The following EFCAB5 variants were observed in gnomAD, a reference collection of about 807,000 sequenced individuals.
The protein encoded by EFCAB5 is EF-hand calcium binding domain 5, also known as EF-hand calcium-binding domain-containing protein 5.
EFCAB5 carries 131 observed loss-of-function variants against 167.9 expected under a neutral mutation model. The observed-to-expected ratio is 0.78, with a 90% CI of 0.68 to 0.90. The LOEUF is 0.90. EFCAB5 is among the 40% of genes least tolerant of loss of function. The pLI, the probability that EFCAB5 is intolerant of heterozygous loss-of-function variation, is 0.00. For missense variants in EFCAB5, 1,663 were observed against 1,745.2 expected (o/e 0.95, Z 0.84); for synonymous variants, 574 against 602.8 (o/e 0.95, Z 0.70).
At position 29,968,903 on chromosome 17, in the gene EFCAB5, A is replaced by G; in HGVS notation, c.303A>G (p.Leu101=). The change falls in exon 4 of 23, where the codon TTA becomes TTG. Residue 101 remains leucine (L), a synonymous_variant. Coordinates refer to ENST00000394835, the MANE Select transcript of EFCAB5 (RefSeq NM_198529.4). ...AATCTGCAAAAGTGATTTTTGCTTT[A>G]GATGAAACTGAACTGAAATCAAAGC... The part of the protein sequence containing the change: ...IRKSAKVIFA[L]DETELKSKPE... The G allele has an allele frequency of 1.9e-6, 3 of 1,573,840 alleles. No individual in the cohort carries two copies. Among genetic ancestry groups the G allele is most frequent in the East Asian group, 2.3e-5 (1 of 43,396 alleles).
chr17:30,049,982 G>C lies in EFCAB5; in HGVS notation c.1201-1136G>C, dbSNP rs150676117. Among the ~76,000 whole-genome samples the C allele has an allele frequency of 2.0e-3, 307 of 151,414 alleles. 9 individuals carry two copies. In the East Asian group the frequency reaches 0.053, roughly 26 times the overall value. ...TAATCAAAACACCATCAATAGAGGAGTTTTTTTTTAATTATGGTGTTTCCA... is the reference window on the plus strand; with the variant it reads ...TAATCAAAACACCATCAATAGAGGACTTTTTTTTTAATTATGGTGTTTCCA... On this transcript the variant is annotated intron_variant, in intron 8 of 22. Transcript: ENST00000394835.
rs2070245470 is a variant in EFCAB5 at position 30,055,824 on chromosome 17, C to T, written c.2195-64C>T. On this transcript the variant is annotated intron_variant, in intron 10 of 22. Transcript: ENST00000394835. The stretch of plus-strand genomic sequence containing the variant: ...GCAATGCATTTCTATCACTTATTAA[C>T]CTTAAAATAGCTAATGGAATATGTA... 3.9e-6 allele frequency: 6 copies of T among 1,547,502 alleles called. No homozygotes were observed. In the African/African-American group the frequency reaches 4.1e-5, roughly 11 times the overall value.
chr17:30,103,739 G>A (rs923552449), intron 22 of EFCAB5, among the ~76,000 whole-genome samples: 3 of 152,156 alleles, frequency 2.0e-5, no homozygotes, highest in Admixed American at 6.5e-5. Context: ...ATATGACCGG[G>A]CGCAGTGGCT....
At position 29,943,657 on chromosome 17, in the gene EFCAB5, A is replaced by G. The variant is rs747537102; in HGVS notation, c.190+8A>G. 1.3e-5 allele frequency: 20 copies of G among 1,563,378 alleles called. No individual in the cohort carries two copies. The highest frequency in any genetic ancestry group is 1.6e-5 in the Non-Finnish European group (18 of 1,152,966). Reference sequence around the variant, plus strand: ...ATGAAATCAAATCCCAAGGTAGAGAACTAGCCTTTCTCTTATACAATAGAA... The same window carrying G: ...ATGAAATCAAATCCCAAGGTAGAGAGCTAGCCTTTCTCTTATACAATAGAA... On this transcript the variant is annotated splice_region_variant and intron_variant, in intron 3 of 22. Transcript: ENST00000394835.
chr17:30,025,562 C>T (rs550384254), intron 7 of EFCAB5, among the ~76,000 whole-genome samples: 8 of 152,314 alleles, frequency 5.3e-5, no homozygotes, highest in Admixed American at 1.3e-4. Flanking sequence ...CACTTTTACA[C>T]TGTTGGTGGG....
chr17:29,934,369 C>A (rs2067228011), intron 1 of EFCAB5, among the ~76,000 whole-genome samples: 1 of 152,108 alleles, frequency 6.6e-6, no homozygotes, highest in Admixed American at 6.6e-5. Context: ...CCCCATCTAC[C>A]CAAACACTTT....
intron 3 of EFCAB5, among the ~76,000 whole-genome samples, chr17:29,945,785 A>G (rs1268027922): frequency 6.6e-6 from 1 of 152,172 alleles, no homozygotes; most frequent in Non-Finnish European, 1.5e-5. Context: ...GGCTAGCTAC[A>G]TGTAGAAGAA....
intron 8 of EFCAB5, among the ~76,000 whole-genome samples, chr17:30,038,059 C>T (rs984361058): frequency 6.6e-6 from 1 of 152,122 alleles, no homozygotes; most frequent in African/African-American, 2.4e-5. Context: ...AAGCTGGGCC[C>T]CTTGCTCCAG....
At chr17:29,972,520 G>A (rs2067978802) in intron 4 of EFCAB5, 2 of 152,452 alleles carry the variant, frequency 1.3e-5, no homozygotes, top group African/African-American at 4.8e-5. Flanking sequence ...AGCCTCTTCA[G>A]GCGTGCCACC....
intron 10 of EFCAB5, among the ~76,000 whole-genome samples, 153 bp from the exon 11 acceptor site, chr17:30,055,733 CTT>C (rs760281983): frequency 7.2e-5 from 11 of 152,240 alleles, no homozygotes; most frequent in Non-Finnish European, 1.5e-4. Flanking sequence ...TATTCAGTGA[CTT>C]CACTGTGGTC....
chr17:29,987,435 T>C (rs987248559), intron 4 of EFCAB5, among the ~76,000 whole-genome samples: 3 of 152,198 alleles, frequency 2.0e-5, no homozygotes, highest in Non-Finnish European at 4.4e-5. Flanking sequence ...CAAGTTATTA[T>C]TTTACCTATT....
intron 9 of EFCAB5, among the ~76,000 whole-genome samples, chr17:30,051,649 C>G (rs926549730): frequency 6.6e-6 from 1 of 152,140 alleles, no homozygotes; most frequent in Non-Finnish European, 1.5e-5. Context: ...CTCAACCTCC[C>G]AGGTGGGAGA....
chr17:29,935,710 G>A (rs1212982986), intron 1 of EFCAB5, among the ~76,000 whole-genome samples: 3 of 146,152 alleles, frequency 2.1e-5, no homozygotes, highest in Admixed American at 6.8e-5. Context: ...TTAAGGGCTA[G>A]AAAAAAAAAA....
intron 7 of EFCAB5, among the ~76,000 whole-genome samples, chr17:30,024,613 G>A (rs1044649521): frequency 6.6e-6 from 1 of 151,832 alleles, no homozygotes; most frequent in Non-Finnish European, 1.5e-5. Context: ...ACTGCCCAAG[G>A]TAATTTATAG....
chr17:30,085,175 C>T (rs1418750762), intron 18 of EFCAB5, among the ~76,000 whole-genome samples: 1 of 152,162 alleles, frequency 6.6e-6, no homozygotes, highest in Non-Finnish European at 1.5e-5. Flanking sequence ...TCCTGTGATA[C>T]TCCCCCTCAC....
intron 3 of EFCAB5, among the ~76,000 whole-genome samples, chr17:29,961,349 G>A (rs1254202881): frequency 6.6e-6 from 1 of 151,978 alleles, no homozygotes; most frequent in African/African-American, 2.4e-5. Context: ...TATATATTCT[G>A]AATATTAATT....
intron 22 of EFCAB5, among the ~76,000 whole-genome samples, chr17:30,093,755 G>A (rs1377661239): frequency 6.6e-6 from 1 of 152,092 alleles, no homozygotes; most frequent in Non-Finnish European, 1.5e-5. Context: ...ATAGCCCATA[G>A]GCTCCCCAAT....
chr17:29,960,399 G>A (rs1207620801), intron 3 of EFCAB5, among the ~76,000 whole-genome samples: 1 of 152,042 alleles, frequency 6.6e-6, no homozygotes, highest in Non-Finnish European at 1.5e-5. Flanking sequence ...GTTCTGTTAG[G>A]CCATCTTGCT....
intron 8 of EFCAB5, among the ~76,000 whole-genome samples, chr17:30,042,703 A>G (rs531989086): frequency 6.6e-6 from 1 of 152,210 alleles, no homozygotes; most frequent in Admixed American, 6.5e-5. Flanking sequence ...AATAAATTCT[A>G]CCGAACATTT....
Sources: allele counts gnomAD v4.1 joint callset (sites outside exome capture counted in the v4.1 genomes callset), GRCh38; gene constraint gnomAD v4.1.1; transcripts MANE v1.5; gene names NCBI Gene and HGNC (gene_info 2026-07-23, HGNC 2026-07-21).